The following NPSR1 variants were observed in gnomAD, a reference collection of about 807,000 sequenced individuals.
NPSR1 encodes the protein neuropeptide S receptor.
NPSR1 carries 48 observed loss-of-function variants against 46.9 expected under a neutral mutation model. The observed-to-expected ratio is 1.02, with a 90% CI of 0.81 to 1.30. NPSR1 has a LOEUF of 1.30. Ranked by LOEUF, NPSR1 falls within the 50% of genes most tolerant of loss-of-function variation. The pLI is 0.00. For missense variants in NPSR1, 450 were observed against 449.5 expected (o/e 1.00, Z -0.01); for synonymous variants, 176 against 168.1 (o/e 1.05, Z -0.36).
chr7:34,786,882 T>A (rs1047583064), intron 3 of NPSR1, among the ~76,000 whole-genome samples: 1 of 152,120 alleles, frequency 6.6e-6, no homozygotes, highest in African/African-American at 2.4e-5. Flanking sequence ...CCCTTTAGGC[T>A]TTGTTGTTTT....
chr7:34,704,800 G>T (rs757858460), intron 2 of NPSR1, among the ~76,000 whole-genome samples: 1 of 152,150 alleles, frequency 6.6e-6, no homozygotes, highest in East Asian at 1.9e-4. Flanking sequence ...GCTTAAGGGT[G>T]CATATTTACC....
intron 1 of NPSR1, among the ~76,000 whole-genome samples, chr7:34,669,046 A>G (rs1791903386): frequency 1.3e-5 from 2 of 152,212 alleles, no homozygotes; most frequent in South Asian, 4.1e-4. Flanking sequence ...TTAATAATCC[A>G]AAAACTTTTA....
chr7:34,703,099 C>T (rs1163355221), intron 2 of NPSR1, among the ~76,000 whole-genome samples: 1 of 152,216 alleles, frequency 6.6e-6, no homozygotes, highest in East Asian at 1.9e-4. Context: ...GTGGCTCATG[C>T]CTGTAATCCC....
chr7:34,728,436 G>A (rs1784264469), intron 2 of NPSR1, among the ~76,000 whole-genome samples: 1 of 152,216 alleles, frequency 6.6e-6, no homozygotes, highest in South Asian at 2.1e-4. Context: ...AGCCAGTGAT[G>A]CTAACTAGAG....
In NPSR1 at chr7:34,817,767, T is replaced by G. The variant is rs141537107; in HGVS notation, c.478+5904T>G. Among the ~76,000 whole-genome samples the G allele has an allele frequency of 1.2e-3, 177 of 152,194 alleles. 1 individual carries two copies. The highest frequency in any genetic ancestry group is 4.1e-3 in the African/African-American group (170 of 41,508). ...CGGGATGGAAGGCTGGTTCAACATA[T>G]GCAAATTGATAAACGTAATCCATCA... On this transcript the variant is annotated intron_variant, in intron 4 of 8. Coordinates refer to ENST00000360581, the MANE Select transcript of NPSR1 (RefSeq NM_207172.2).
In NPSR1 at chr7:34,849,883, A is replaced by C. The variant is rs766703174; in HGVS notation, c.*228A>C. On this transcript the variant is annotated 3_prime_UTR_variant, in exon 9 of 9. Transcript: ENST00000360581. ...CAGGAAGGAAACGCCTTCCTTCCCC[A>C]CCATTCCCAGCCCTCCTTCCCACTG... 7.7e-6 allele frequency: 10 copies of C among 1,301,800 alleles called. No individual in the cohort carries two copies. The highest frequency in any genetic ancestry group is 9.8e-6 in the Non-Finnish European group (10 of 1,018,616). 80.6% of individuals were successfully genotyped at this position (1,301,800 alleles called of 1,614,324 possible). A position where few individuals can be genotyped will look rare whatever the true frequency, so the allele number is the denominator to read the frequency against.
At chr7:34,842,347 A>G (rs1338037485) in intron 6 of NPSR1, among the ~76,000 whole-genome samples, 2 of 152,168 alleles carry the variant, frequency 1.3e-5, no homozygotes, top group Admixed American at 6.5e-5. Context: ...AAGGTTTCTC[A>G]CCTTTGACAC....
At chr7:34,845,228 T>C (rs938724717) in intron 7 of NPSR1, among the ~76,000 whole-genome samples, 1 of 152,174 alleles carries the variant, frequency 6.6e-6, no homozygotes, top group Admixed American at 6.5e-5. Context: ...TTGGAGAAAA[T>C]CTGATTAGGA....
intron 8 of NPSR1, among the ~76,000 whole-genome samples, chr7:34,870,314 G>C (rs951417074): frequency 3.3e-5 from 5 of 151,696 alleles, no homozygotes; most frequent in African/African-American, 1.2e-4. Flanking sequence ...TACAGTGCCT[G>C]GCCCAGTTCC....
chr7:34,752,021 C>A, intron 2 of NPSR1: 1 of 758,392 alleles, frequency 1.3e-6, no homozygotes, highest in South Asian at 1.4e-5. Context: ...CCTGCTGGGC[C>A]AGCCGGTAGT....
chr7:34,877,599 G>A (rs182560980), intron 8 of NPSR1, among the ~76,000 whole-genome samples: 2 of 152,364 alleles, frequency 1.3e-5, no homozygotes, highest in South Asian at 2.1e-4. Context: ...CACTCGAGGA[G>A]TCCAGGGAGA....
rs149504467 is a variant in NPSR1 at position 34,682,007 on chromosome 7, A to C, written c.148-2545A>C. ...GGGACAGCAGTTGACAACTAGGACTATCCTAGGCAAACCAGGTTACATAAT... is the reference window on the plus strand; with the variant it reads ...GGGACAGCAGTTGACAACTAGGACTCTCCTAGGCAAACCAGGTTACATAAT... On this transcript the variant is annotated intron_variant, in intron 1 of 8. Coordinates refer to ENST00000360581, the MANE Select transcript of NPSR1 (RefSeq NM_207172.2). Among the ~76,000 whole-genome samples, 14 of 152,298 alleles carry C rather than the reference A, an allele frequency of 9.2e-5. No individual in the cohort carries two copies. The East Asian group carries it at 2.7e-3, about 29-fold the overall frequency.
rs1476999922 is a variant in NPSR1 at position 34,862,191 on chromosome 7, A to G, written c.1025+13528A>G. On this transcript the variant is annotated intron_variant, in intron 8 of 8. Transcript: ENST00000359791. ...TCCTGTCTGCCAAAAGGAGATAGGC[A>G]GGAGACTGGAAGCAAGCAAGAGCGT... Among the ~76,000 whole-genome samples the G allele has an allele frequency of 1.3e-5, 2 of 151,724 alleles. 1 individual carries two copies. The highest frequency in any genetic ancestry group is 4.9e-5 in the African/African-American group (2 of 41,010).
intron 2 of NPSR1, among the ~76,000 whole-genome samples, chr7:34,747,135 A>C (rs1002701629): frequency 3.3e-5 from 5 of 151,498 alleles, no homozygotes; most frequent in African/African-American, 9.7e-5. Context: ...AAAACAAAAA[A>C]AAAAAAAAAA....
At chr7:34,757,842 A>T (rs1031181080) in intron 2 of NPSR1, among the ~76,000 whole-genome samples, 2 of 152,130 alleles carry the variant, frequency 1.3e-5, no homozygotes, top group Non-Finnish European at 2.9e-5. Context: ...CAGCACAAAC[A>T]ACTTACTTTG....
chr7:34,793,667 C>G (rs1272770557), intron 3 of NPSR1, among the ~76,000 whole-genome samples: 2 of 152,052 alleles, frequency 1.3e-5, no homozygotes, highest in African/African-American at 4.8e-5. Context: ...ATGGAAGTTC[C>G]TTGAAAAATT....
At chr7:34,695,242 G>A (rs1793460190) in intron 2 of NPSR1, among the ~76,000 whole-genome samples, 1 of 152,118 alleles carries the variant, frequency 6.6e-6, no homozygotes, top group African/African-American at 2.4e-5. Context: ...AATAAATGGT[G>A]CTGGGAAAAT....
chr7:34,743,012 T>C (rs1002095081), intron 2 of NPSR1, among the ~76,000 whole-genome samples: 3 of 152,234 alleles, frequency 2.0e-5, no homozygotes, highest in African/African-American at 7.2e-5. Flanking sequence ...GTTTTTCTCT[T>C]GTAAATTTGT....
intron 8 of NPSR1, among the ~76,000 whole-genome samples, chr7:34,856,072 G>A (rs910317069): frequency 6.6e-6 from 1 of 152,040 alleles, no homozygotes; most frequent in Non-Finnish European, 1.5e-5. Flanking sequence ...CTTTGAAGAT[G>A]TTCCTTTTGA....
Sources: gnomAD v4.1 joint callset for allele counts (sites outside exome capture counted in the v4.1 genomes callset) on GRCh38, gnomAD v4.1.1 for gene constraint, MANE v1.5 for transcripts, NCBI Gene and HGNC (gene_info 2026-07-23, HGNC 2026-07-21) for gene names.